The following LRCH3 variants were observed in gnomAD, a reference collection of about 807,000 sequenced individuals.
The protein encoded by LRCH3 is DISP complex protein LRCH3.
LRCH3 carries 68 observed loss-of-function variants against 104.5 expected under a neutral mutation model. The observed-to-expected ratio is 0.65, with a 90% CI of 0.54 to 0.80. The LOEUF is 0.80. Ranked by LOEUF, LRCH3 falls within the 30% of genes least tolerant of loss-of-function variation. LRCH3 has a pLI of 0.00. For synonymous variants in LRCH3, 344 were observed against 361.3 expected (o/e 0.95, Z 0.54); for missense variants, 951 against 953.9 (o/e 1.00, Z 0.04).
rs199903112 is a variant in LRCH3, at chr3:197,839,416, A to G, written c.1328+19A>G. On this transcript the variant is annotated intron_variant, in intron 10 of 20. Coordinates refer to ENST00000425562, the MANE Select transcript of LRCH3 (RefSeq NM_001365715.1). ...AAAACAGGTTTGAAAAACCAATTCT[A>G]CTTAATTTGTTTCTGTCTTAATCAT... The G allele has an allele frequency of 6.8e-6, 10 of 1,464,570 alleles. No homozygotes were observed. Among genetic ancestry groups the G allele is most frequent in the South Asian group, 4.9e-5 (4 of 81,596 alleles). 90.7% of individuals were successfully genotyped at this position (1,464,570 alleles called of 1,614,324 possible). A position where few individuals can be genotyped will look rare whatever the true frequency, so the allele number is the denominator to read the frequency against.
chr3:197,850,429 T>C, intron 12 of LRCH3: 4 of 1,492,632 alleles, frequency 2.7e-6, no homozygotes, highest in Non-Finnish European at 3.7e-6. Flanking sequence ...TTTTGTTTCT[T>C]CAGTTTCTTC....
At chr3:197,808,815 G>C (rs1580579797) in intron 1 of LRCH3, among the ~76,000 whole-genome samples, 2 of 152,070 alleles carry the variant, frequency 1.3e-5, no homozygotes, top group Admixed American at 1.3e-4. Flanking sequence ...GAGGTGGGAG[G>C]ATCACTTGAG....
At chr3:197,792,504 C>T (rs1380011031) in intron 1 of LRCH3, among the ~76,000 whole-genome samples, 3 of 142,446 alleles carry the variant, frequency 2.1e-5, no homozygotes, top group African/African-American at 5.1e-5. Context: ...ACCTCCCGGG[C>T]TCAGGTGATC....
chr3:197,866,502 G>T (rs961640325), intron 17 of LRCH3, among the ~76,000 whole-genome samples: 3 of 152,158 alleles, frequency 2.0e-5, no homozygotes, highest in Non-Finnish European at 4.4e-5. Flanking sequence ...TCTTGGTAAT[G>T]AACTCTTTTT....
intron 12 of LRCH3, 84 bp downstream of exon 12, chr3:197,848,105 C>T (rs1739025451): frequency 7.1e-7 from 1 of 1,401,884 alleles, no homozygotes; most frequent in African/African-American, 1.4e-5. Context: ...TTTTATTGTC[C>T]ATTAAAATGT....
chr3:197,876,772 TCA>T (rs1712938081), intron 20 of LRCH3, among the ~76,000 whole-genome samples: 1 of 152,142 alleles, frequency 6.6e-6, no homozygotes, highest in African/African-American at 2.4e-5. Flanking sequence ...ACCATTGCTC[TCA>T]GAGTTTGGTT....
chr3:197,825,619 A>G (rs1480536897), intron 4 of LRCH3, among the ~76,000 whole-genome samples: 4 of 150,664 alleles, frequency 2.7e-5, no homozygotes, highest in East Asian at 1.9e-4. Context: ...AGCTGGGACT[A>G]CAGGCGCCCG....
intron 18 of LRCH3, 25 bp downstream of exon 18, chr3:197,870,303 A>G (rs1712001754): frequency 5.6e-6 from 9 of 1,601,622 alleles, no homozygotes; most frequent in Non-Finnish European, 6.8e-6. Flanking sequence ...TTTGATTTAC[A>G]CTTTTTCAGT....
chr3:197,853,163 C>G (rs58610305), intron 13 of LRCH3, among the ~76,000 whole-genome samples: 1 of 152,050 alleles, frequency 6.6e-6, no homozygotes, highest in Non-Finnish European at 1.5e-5. Flanking sequence ...ACCATTTTCC[C>G]TTTAAAAACC....
chr3:197,875,717 A>G lies in LRCH3; in HGVS notation c.2150A>G (p.Lys717Arg), dbSNP rs1357081903. The G allele has an allele frequency of 6.5e-7, 1 of 1,534,744 alleles. No individual in the cohort carries two copies. Among genetic ancestry groups the G allele is most frequent in the South Asian group, 1.2e-5 (1 of 83,886 alleles). The change falls in exon 20 of 21, where the codon AAA becomes AGA. Residue 717 changes from lysine (K) to arginine (R), a missense_variant. By Grantham distance (26) the Lys-to-Arg change is conservative. Transcript: ENST00000425562. Reference sequence around the variant, plus strand: ...TTTCAGCCTAAATTAACAATGGCGAAATGCAGGCGAAATGTGGAAAATTTC... The same window carrying G: ...TTTCAGCCTAAATTAACAATGGCGAGATGCAGGCGAAATGTGGAAAATTTC... ...SPAVPKLTMAKCRRNVENFLE... is the reference protein window; with the variant it reads ...SPAVPKLTMARCRRNVENFLE...
intron 9 of LRCH3, among the ~76,000 whole-genome samples, chr3:197,838,613 T>G (rs2109331916): frequency 6.6e-6 from 1 of 152,360 alleles, no homozygotes; most frequent in South Asian, 2.1e-4. Context: ...TTGATAACCT[T>G]TAATCCTCTA....
chr3:197,855,446 C>T (rs952520070), intron 14 of LRCH3, among the ~76,000 whole-genome samples: 30 of 152,184 alleles, frequency 2.0e-4, no homozygotes, highest in African/African-American at 7.0e-4. Context: ...ATTTACTCCT[C>T]GCAGCAACCT....
At chr3:197,881,961 T>A in intron 20 of LRCH3, 2 of 985,456 alleles carry the variant, frequency 2.0e-6, no homozygotes, top group South Asian at 4.7e-5. Context: ...CTCAACACTG[T>A]GATGATGAAA....
intron 8 of LRCH3, among the ~76,000 whole-genome samples, chr3:197,835,208 G>A (rs1736591996): frequency 6.6e-6 from 1 of 151,630 alleles, no homozygotes; most frequent in Non-Finnish European, 1.5e-5. Flanking sequence ...TTTTGAGACG[G>A]AGTCTTGCTA....
At chr3:197,875,855 T>C (rs1712829235) in intron 20 of LRCH3, 80 bp downstream of exon 20, 2 of 890,018 alleles carry the variant, frequency 2.2e-6, no homozygotes, top group Non-Finnish European at 3.5e-6. Context: ...CTCTAAAATC[T>C]TACAGGACTA....
rs530950630 is a variant in LRCH3, at chr3:197,852,872, C to T, written c.1590+252C>T. On this transcript the variant is annotated intron_variant, in intron 13 of 20. Transcript: ENST00000425562. ...CCTCCCTGACCCCCACCAGAGGCAC[C>T]GTCCCCGTCTCCTCCACTTTTGAAG... Among the ~76,000 whole-genome samples, 8 of 152,234 alleles carry T rather than the reference C, an allele frequency of 5.3e-5. No individual in the cohort carries two copies. In the East Asian group the frequency reaches 1.2e-3, roughly 22 times the overall value.
At chr3:197,846,881 GT>G (rs201067685) in intron 10 of LRCH3, among the ~76,000 whole-genome samples, 1 of 150,636 alleles carries the variant, frequency 6.6e-6, no homozygotes, top group African/African-American at 2.4e-5. Context: ...CTTTTTTTTT[GT>G]TTTTTTAAGC....
At chr3:197,850,871 G>A in intron 12 of LRCH3, 1 of 939,092 alleles carries the variant, frequency 1.1e-6, no homozygotes, top group Non-Finnish European at 1.8e-6. Flanking sequence ...TTCCACGAGT[G>A]TTCTTAAAGT....
chr3:197,846,977 T>G (rs1738825440), intron 10 of LRCH3, among the ~76,000 whole-genome samples: 2 of 152,294 alleles, frequency 1.3e-5, no homozygotes, highest in African/African-American at 4.8e-5. Flanking sequence ...CGATTGAAAA[T>G]AAGAGCAGGT....
Sources: allele counts gnomAD v4.1 joint callset (sites outside exome capture counted in the v4.1 genomes callset), GRCh38; gene constraint gnomAD v4.1.1; transcripts MANE v1.5; gene names NCBI Gene and HGNC (gene_info 2026-07-23, HGNC 2026-07-21).